The following GNB1 variants were observed in gnomAD, a reference collection of about 807,000 sequenced individuals.
GNB1 encodes the protein guanine nucleotide-binding protein G(I)/G(S)/G(T) subunit beta-1.
Under a neutral mutation model 42.9 loss-of-function variants are expected in GNB1, and 2 were observed. The observed-to-expected ratio is 0.05, with a 90% CI of 0.02 to 0.15. GNB1 has a LOEUF of 0.15. Among genes scored for constraint, GNB1 ranks in the 10% least tolerant of loss-of-function variants. The pLI, the probability that GNB1 is intolerant of heterozygous loss-of-function variation, is 1.00. For missense variants in GNB1, 193 were observed against 462.2 expected (o/e 0.42, Z 5.34); for synonymous variants, 183 against 174.7 (o/e 1.05, Z -0.38).
chr1:1,835,892 T>A (rs1444040545), intron 2 of GNB1, among the ~76,000 whole-genome samples: 1 of 124,898 alleles, frequency 8.0e-6, no homozygotes, highest in Non-Finnish European at 1.6e-5. Flanking sequence ...GGCAACATAC[T>A]GAGACCCCGT....
chr1:1,847,174 A>C (rs1647714459), intron 1 of GNB1, among the ~76,000 whole-genome samples: 1 of 152,016 alleles, frequency 6.6e-6, no homozygotes, highest in Non-Finnish European at 1.5e-5. Flanking sequence ...TGCTTTGTGC[A>C]AATGCAGCCG....
chr1:1,856,293 T>C lies in GNB1; in HGVS notation c.-95-17055A>G, dbSNP rs560262544. The stretch of plus-strand genomic sequence containing the variant: ...TGCCACAACCTCCTGAATAGGGCTT[T>C]CTTTTTTTAAATTAGAGATGGGGTC... On this transcript the variant is annotated intron_variant, in intron 1 of 11. Coordinates refer to ENST00000378609, the MANE Select transcript of GNB1 (RefSeq NM_002074.5). Among the ~76,000 whole-genome samples the C allele has an allele frequency of 2.6e-5, 4 of 152,292 alleles. No homozygotes were observed. In the South Asian group the frequency reaches 8.3e-4, roughly 32 times the overall value.
chr1:1,808,545 T>C (rs149556887), intron 5 of GNB1, among the ~76,000 whole-genome samples: 2 of 152,328 alleles, frequency 1.3e-5, no homozygotes, highest in Non-Finnish European at 2.9e-5. Context: ...AAGGTTCCAC[T>C]GTTTGATGCA....
intron 1 of GNB1, among the ~76,000 whole-genome samples, chr1:1,850,207 C>T (rs1647906441): frequency 1.3e-5 from 2 of 151,572 alleles, no homozygotes; most frequent in Non-Finnish European, 2.9e-5. Flanking sequence ...CTTGGCTCAC[C>T]ACAACCTCCG....
chr1:1,816,811 G>A (rs1242666864), intron 4 of GNB1, among the ~76,000 whole-genome samples: 1 of 151,824 alleles, frequency 6.6e-6, no homozygotes, highest in Non-Finnish European at 1.5e-5. Flanking sequence ...ACCATGCCTG[G>A]CTAATTTTTG....
chr1:1,849,188 T>C (rs962165492), intron 1 of GNB1, among the ~76,000 whole-genome samples: 3 of 152,196 alleles, frequency 2.0e-5, no homozygotes, highest in Admixed American at 1.3e-4. Context: ...TTGACCCCGA[T>C]TTGTCAGGAG....
intron 1 of GNB1, among the ~76,000 whole-genome samples, chr1:1,862,367 C>T (rs1383898190): frequency 6.6e-6 from 1 of 152,162 alleles, no homozygotes; most frequent in South Asian, 2.1e-4. Context: ...ATGATTACAA[C>T]AGTCTGAGTG....
At chr1:1,871,172 C>T (rs1363225010) in intron 1 of GNB1, among the ~76,000 whole-genome samples, 2 of 152,174 alleles carry the variant, frequency 1.3e-5, no homozygotes, top group Non-Finnish European at 2.9e-5. Flanking sequence ...GAACCTTTGG[C>T]CAGGTACAGT....
intron 10 of GNB1, chr1:1,788,452 C>G (rs1646436275): frequency 6.4e-6 from 1 of 155,310 alleles, no homozygotes; most frequent in Non-Finnish European, 1.4e-5. Context: ...TCTGGTCCCC[C>G]CAGGCTGGGG....
At chr1:1,795,151 G>C (rs1365190618) in intron 7 of GNB1, among the ~76,000 whole-genome samples, 1 of 151,910 alleles carries the variant, frequency 6.6e-6, no homozygotes, top group Non-Finnish European at 1.5e-5. Flanking sequence ...GTCCAGCTCA[G>C]AGGAGGATAG....
intron 5 of GNB1, among the ~76,000 whole-genome samples, chr1:1,810,535 C>CAAA (rs1213355902): frequency 1.5e-4 from 11 of 73,104 alleles, no homozygotes; most frequent in South Asian, 4.9e-4. Flanking sequence ...GACCCAGTCT[C>CAAA]AAAAAAAAAA....
At chr1:1,792,837 G>A (rs988625794) in intron 8 of GNB1, among the ~76,000 whole-genome samples, 1 of 152,116 alleles carries the variant, frequency 6.6e-6, no homozygotes, top group Non-Finnish European at 1.5e-5. Flanking sequence ...AGGCCGAGGT[G>A]GGCAGGTCAC....
At chr1:1,845,223 T>A (rs1288821518) in intron 1 of GNB1, among the ~76,000 whole-genome samples, 1 of 152,008 alleles carries the variant, frequency 6.6e-6, no homozygotes, top group Non-Finnish European at 1.5e-5. Flanking sequence ...AACGTGGGGG[T>A]ACATTCTAAG....
intron 2 of GNB1, among the ~76,000 whole-genome samples, chr1:1,833,348 A>G (rs1404100715): frequency 6.6e-6 from 1 of 152,174 alleles, no homozygotes; most frequent in African/African-American, 2.4e-5. Flanking sequence ...AGTCCAGGTC[A>G]ATCTCCAAAA....
chr1:1,847,044 AG>A (rs1395186685), intron 1 of GNB1, among the ~76,000 whole-genome samples: 1 of 152,238 alleles, frequency 6.6e-6, no homozygotes, highest in Non-Finnish European at 1.5e-5. Context: ...CTTCCTGAAT[AG>A]GTTTTTAATG....
At chr1:1,801,934 A>G (rs1227627415) in intron 7 of GNB1, among the ~76,000 whole-genome samples, 1 of 152,226 alleles carries the variant, frequency 6.6e-6, no homozygotes, top group Admixed American at 6.5e-5. Context: ...TAGTATCAGA[A>G]AAAGCAGCGG....
intron 2 of GNB1, among the ~76,000 whole-genome samples, chr1:1,836,916 CG>C (rs1647159155): frequency 7.4e-6 from 1 of 135,500 alleles, no homozygotes; most frequent in African/African-American, 2.8e-5. Flanking sequence ...AGGATGGTAT[CG>C]AACAACTGGC....
intron 1 of GNB1, among the ~76,000 whole-genome samples, chr1:1,857,554 G>T (rs762590404): frequency 6.6e-6 from 1 of 152,104 alleles, no homozygotes; most frequent in Non-Finnish European, 1.5e-5. Flanking sequence ...AAGTCCTGTG[G>T]GCAGCTGCCC....
At chr1:1,851,661 T>C (rs1245585612) in intron 1 of GNB1, among the ~76,000 whole-genome samples, 1 of 152,182 alleles carries the variant, frequency 6.6e-6, no homozygotes, top group Non-Finnish European at 1.5e-5. Flanking sequence ...AAGCAAGCCA[T>C]ACAACTTCAC....
Sources: allele counts gnomAD v4.1 joint callset (sites outside exome capture counted in the v4.1 genomes callset), GRCh38; gene constraint gnomAD v4.1.1; transcripts MANE v1.5; gene names NCBI Gene and HGNC (gene_info 2026-07-23, HGNC 2026-07-21).